PLCE1: variants seen among roughly 807,000 people sequenced by gnomAD.
The protein encoded by PLCE1 is 1-phosphatidylinositol 4,5-bisphosphate phosphodiesterase epsilon-1.
A neutral mutation model predicts 242.8 loss-of-function variants in PLCE1; 119 were observed. The ratio of observed to expected loss-of-function variants is 0.49; its 90% CI spans 0.42 to 0.57. PLCE1 has a LOEUF of 0.57. Ranked by LOEUF, PLCE1 falls within the 20% of genes least tolerant of loss-of-function variation. The pLI, the probability that PLCE1 is intolerant of heterozygous loss-of-function variation, is 0.00. For missense variants in PLCE1, 2,441 were observed against 2,788.8 expected (o/e 0.88, Z 2.81); for synonymous variants, 945 against 1,017.4 (o/e 0.93, Z 1.35).
At chr10:94,226,140 G>A (rs115265438) in intron 4 of PLCE1, among the ~76,000 whole-genome samples, 2,428 of 152,354 alleles carry the variant, frequency 0.016, 70 homozygotes, top group African/African-American at 0.055. Flanking sequence ...TAATCATAGA[G>A]CAGAAGCAGA....
intron 4 of PLCE1, among the ~76,000 whole-genome samples, chr10:94,205,300 G>C (rs1361591957): frequency 6.6e-6 from 1 of 151,750 alleles, no homozygotes; most frequent in African/African-American, 2.4e-5. Flanking sequence ...GAAGAAGAGA[G>C]AGGGAGGGGA....
chr10:94,261,026 C>T (rs931743500), intron 13 of PLCE1, among the ~76,000 whole-genome samples: 1 of 152,098 alleles, frequency 6.6e-6, no homozygotes, highest in African/African-American at 2.4e-5. Context: ...CGTTAGGATT[C>T]ACTGTTTGTG....
intron 4 of PLCE1, among the ~76,000 whole-genome samples, chr10:94,202,781 G>A (rs143233584): frequency 6.6e-6 from 1 of 152,160 alleles, no homozygotes; most frequent in African/African-American, 2.4e-5. Context: ...GCTCATCACA[G>A]TTTCATTCTG....
chr10:94,071,495 G>GTTTTTTTTTTTTTTTTTTT lies in PLCE1; in HGVS notation c.1206+39246_1206+39264dup, dbSNP rs559496577. 4.2e-4 allele frequency among the ~76,000 whole-genome samples: 35 copies of GTTTTTTTTTTTTTTTTTTT among 83,308 alleles called. 6 individuals are homozygous for GTTTTTTTTTTTTTTTTTTT. The highest frequency in any genetic ancestry group is 1.5e-3 in the African/African-American group (28 of 18,670). The allele number at this position is 83,308 out of a possible 152,430, so 54.7% of individuals were successfully genotyped here. The stretch of plus-strand genomic sequence containing the variant: ...GTCTGTGTGTGTGTGTTTGGTTTTC[G>GTTTTTTTTTTTTTTTTTTT]TTTTTTTTTTTTTTTTTTTTTGAGT... On this transcript the variant is annotated intron_variant, in intron 2 of 32. Coordinates refer to ENST00000371380, the MANE Select transcript of PLCE1 (RefSeq NM_016341.4).
rs949479541 is a variant in PLCE1, at chr10:94,227,655, A to G, written c.1955+204A>G. On this transcript the variant is annotated intron_variant, in intron 5 of 32. Transcript: ENST00000371380. ...AATTCAGCCCCTGTGGGCCAGTCACAATCCTACTTCACTGGGTCTGCTGTG... is the reference window on the plus strand; with the variant it reads ...AATTCAGCCCCTGTGGGCCAGTCACGATCCTACTTCACTGGGTCTGCTGTG... 4.6e-5 allele frequency among the ~76,000 whole-genome samples: 7 copies of G among 152,346 alleles called. No individual in the cohort carries two copies. In the South Asian group the frequency reaches 6.2e-4, roughly 14 times the overall value.
intron 2 of PLCE1, among the ~76,000 whole-genome samples, chr10:94,118,665 T>G (rs1330685982): frequency 6.6e-6 from 1 of 152,212 alleles, no homozygotes; most frequent in African/African-American, 2.4e-5. Flanking sequence ...CCACCATGAT[T>G]GTGAGGCCTC....
intron 4 of PLCE1, among the ~76,000 whole-genome samples, chr10:94,208,898 G>A (rs1019157242): frequency 6.6e-6 from 1 of 152,148 alleles, no homozygotes; most frequent in African/African-American, 2.4e-5. Flanking sequence ...ACTAATCGTC[G>A]CCACAATTCC....
At chr10:94,294,365 A>T (rs2052737046) in intron 23 of PLCE1, among the ~76,000 whole-genome samples, 1 of 152,096 alleles carries the variant, frequency 6.6e-6, no homozygotes, top group Non-Finnish European at 1.5e-5. Context: ...ATTCCTTTCC[A>T]CTCAATGTCC....
chr10:94,082,379 G>A (rs2044677098), intron 2 of PLCE1, among the ~76,000 whole-genome samples: 1 of 152,164 alleles, frequency 6.6e-6, no homozygotes, highest in African/African-American at 2.4e-5. Flanking sequence ...AATTCACAGT[G>A]GGCACGAGAT....
chr10:94,068,168 T>C (rs1035896863), intron 2 of PLCE1, among the ~76,000 whole-genome samples: 1 of 152,160 alleles, frequency 6.6e-6, no homozygotes, highest in African/African-American at 2.4e-5. Context: ...CCCACTCTGC[T>C]TTTGTTCACC....
chr10:94,184,451 T>A (rs2689697), intron 4 of PLCE1, among the ~76,000 whole-genome samples: 40,944 of 152,146 alleles, frequency 0.27, 7,052 homozygotes, highest in Non-Finnish European at 0.39. Context: ...TGCCTCAGCC[T>A]CTCTAGTCGC....
chr10:94,127,222 CATTT>C (rs1564712642), intron 2 of PLCE1, among the ~76,000 whole-genome samples: 1 of 152,198 alleles, frequency 6.6e-6, no homozygotes, highest in Non-Finnish European at 1.5e-5. Flanking sequence ...TCACAACAAT[CATTT>C]ATTTAGCCCA....
At chr10:94,235,062 T>TCACA (rs3222767) in intron 6 of PLCE1, among the ~76,000 whole-genome samples, 10,512 of 135,344 alleles carry the variant, frequency 0.078, 469 homozygotes, top group Admixed American at 0.089. Context: ...TACTGACCTT[T>TCACA]CACACACACA....
Position 94,298,535 on chromosome 10 carries a change from A to G in PLCE1, c.5324A>G (p.Lys1775Arg). The G allele has an allele frequency of 3.1e-6, 5 of 1,614,076 alleles. No individual in the cohort carries two copies. Among genetic ancestry groups the G allele is most frequent in the Non-Finnish European group, 4.2e-6 (5 of 1,180,002 alleles). The change falls in exon 24 of 33, where the codon AAA becomes AGA. Residue 1775 changes from lysine to arginine, a missense_variant. Around this residue, in one of 5 missense-constraint regions of PLCE1, gnomAD observed 1,004 missense variants for 1,322.7 expected, o/e 0.76. Coordinates refer to ENST00000371380, the MANE Select transcript of PLCE1 (RefSeq NM_016341.4). The surrounding 1 kb of genome is among the most constrained non-coding windows in gnomAD (Gnocchi z 5.2). Reference protein sequence around the residue: ...AKRLCRRYSQKLTQHTACQLL... With the variant: ...AKRLCRRYSQRLTQHTACQLL... ...CGTCTGTGTCGCAGGTATTCTCAGAAACTGACCCAGCACACCGCCTGTCAG... is the reference window on the plus strand; with the variant it reads ...CGTCTGTGTCGCAGGTATTCTCAGAGACTGACCCAGCACACCGCCTGTCAG...
intron 1 of PLCE1, among the ~76,000 whole-genome samples, chr10:94,016,655 AG>A (rs2061288338): frequency 6.6e-6 from 1 of 152,224 alleles, no homozygotes; most frequent in Non-Finnish European, 1.5e-5. Flanking sequence ...ATTCTGTAAA[AG>A]ATCTATGTTC....
intron 2 of PLCE1, 76 bp from the exon 3 acceptor site, chr10:94,132,098 T>G: frequency 7.0e-7 from 1 of 1,420,414 alleles, no homozygotes; most frequent in Non-Finnish European, 9.9e-7. Flanking sequence ...TAAGTCATCT[T>G]GGCATTTTGT....
At chr10:94,070,493 C>T (rs1447302417) in intron 2 of PLCE1, among the ~76,000 whole-genome samples, 3 of 152,148 alleles carry the variant, frequency 2.0e-5, no homozygotes, top group African/African-American at 7.2e-5. Context: ...GAATGCTGAT[C>T]CCCCAGCACA....
intron 2 of PLCE1, 63 bp downstream of exon 2, chr10:94,032,315 C>A: frequency 1.4e-6 from 2 of 1,454,300 alleles, no homozygotes; most frequent in Non-Finnish European, 1.9e-6. Flanking sequence ...AAAAAAAGTC[C>A]AAATTTCCAT....
intron 1 of PLCE1, among the ~76,000 whole-genome samples, chr10:94,013,848 G>A (rs2061220408): frequency 6.6e-6 from 1 of 152,208 alleles, no homozygotes; most frequent in Non-Finnish European, 1.5e-5. Flanking sequence ...ATGGCCTGAA[G>A]TACTTGTAGA....
Sources: gnomAD v4.1 joint callset for allele counts (sites outside exome capture counted in the v4.1 genomes callset) on GRCh38, gnomAD v4.1.1 for gene constraint, gnomAD v4.1.1 regional missense constraint, Gnocchi (gnomAD v3.1) non-coding constraint, MANE v1.5 for transcripts, NCBI Gene and HGNC (gene_info 2026-07-23, HGNC 2026-07-21) for gene names.